The following APLP2 variants were observed in gnomAD, a reference collection of about 807,000 sequenced individuals.
The protein encoded by APLP2 is CDEI box-binding protein.
APLP2 carries 53 observed loss-of-function variants against 89.9 expected under a neutral mutation model. That is an observed-to-expected ratio of 0.59 (90% CI 0.47 to 0.74). The LOEUF is 0.74. APLP2 is among the 30% of genes least tolerant of loss of function. The probability of loss-of-function intolerance (pLI) is 0.00; values close to 1 mark genes in which losing one functional copy is unlikely to be tolerated. For missense variants in APLP2, 973 were observed against 975.9 expected, an observed-to-expected ratio of 1.00 and a Z score of 0.04; for synonymous variants, 372 against 348.6, an observed-to-expected ratio of 1.07 and a Z score of -0.75.
intron 1 of APLP2, among the ~76,000 whole-genome samples, chr11:130,090,110 A>G (rs1170395802): frequency 6.6e-6 from 1 of 152,186 alleles, no homozygotes; most frequent in Non-Finnish European, 1.5e-5. Context: ...ATTTTCTTCA[A>G]AGTTATGTTT....
In APLP2 at chr11:130,129,222, A is replaced by C; in HGVS notation, c.1455+16A>C. ...CCCGCCACGGGTGAGTCCTGCCCCT[A>C]GCACTGCCTGCCCTGAGGTGGTATA... On this transcript the variant is annotated intron_variant, in intron 10 of 16. Coordinates refer to ENST00000338167, the MANE Select transcript of APLP2 (RefSeq NM_001142276.2). The C allele has an allele frequency of 6.2e-7, 1 of 1,605,838 alleles. No homozygotes were observed. Among genetic ancestry groups the C allele is most frequent in the East Asian group, 2.2e-5 (1 of 44,686 alleles).
chr11:130,120,876 A>G (rs779869808), intron 4 of APLP2, 58 bp downstream of exon 4: 102 of 1,199,508 alleles, frequency 8.5e-5, no homozygotes, highest in Non-Finnish European at 3.1e-5. Flanking sequence ...GGGAAGTAGC[A>G]CTTTTCTCCA....
intron 13 of APLP2, among the ~76,000 whole-genome samples, chr11:130,138,345 A>C (rs1951880348): frequency 1.3e-5 from 2 of 152,060 alleles, no homozygotes; most frequent in Admixed American, 1.3e-4. Flanking sequence ...TTCTACTTGG[A>C]TATGCCTGTT....
intron 3 of APLP2, among the ~76,000 whole-genome samples, chr11:130,114,937 T>A (rs1249019238): frequency 6.6e-6 from 1 of 152,216 alleles, no homozygotes. Flanking sequence ...CTTTTGCAAG[T>A]CTTCTAGCCT....
At chr11:130,115,491 A>G (rs763383507) in intron 3 of APLP2, among the ~76,000 whole-genome samples, 26 of 152,256 alleles carry the variant, frequency 1.7e-4, no homozygotes, top group Admixed American at 1.3e-3. Flanking sequence ...GCTGAATCAC[A>G]GGGATGATTA....
chr11:130,125,488 G>C (rs1390953137), intron 7 of APLP2, among the ~76,000 whole-genome samples: 1 of 152,120 alleles, frequency 6.6e-6, no homozygotes. Context: ...CTGAAAGTGG[G>C]ATATTGACAC....
intron 1 of APLP2, among the ~76,000 whole-genome samples, chr11:130,076,384 G>T (rs780308745): frequency 6.6e-6 from 1 of 152,152 alleles, no homozygotes; most frequent in Non-Finnish European, 1.5e-5. Context: ...GCTCTTTTGT[G>T]TCTTTTTATA....
intron 13 of APLP2, among the ~76,000 whole-genome samples, chr11:130,136,420 G>T (rs773946777): frequency 2.0e-5 from 3 of 152,144 alleles, no homozygotes; most frequent in Non-Finnish European, 2.9e-5. Flanking sequence ...AGTAACCCTC[G>T]CAGGTGGGTA....
Position 130,141,473 on chromosome 11 carries a change from G to A in APLP2, c.1924-25G>A, listed in dbSNP as rs777750965. The stretch of plus-strand genomic sequence containing the variant: ...CTCCCCGTTCACCCAGTTGCTTGCT[G>A]CCGACATTCTCATGACTGTTTCAGG... On this transcript the variant is annotated intron_variant, in intron 14 of 16. Coordinates refer to ENST00000338167, the MANE Select transcript of APLP2 (RefSeq NM_001142276.2). This position sits in a 1 kb window ranked among gnomAD's most constrained non-coding sequence, Gnocchi z 4.2. The A allele has an allele frequency of 6.2e-7, 1 of 1,603,042 alleles. No homozygotes were observed. The highest frequency in any genetic ancestry group is 8.5e-7 in the Non-Finnish European group (1 of 1,170,172).
chr11:130,081,104 AC>A (rs920200300), intron 1 of APLP2, among the ~76,000 whole-genome samples: 2 of 151,658 alleles, frequency 1.3e-5, no homozygotes, highest in Non-Finnish European at 1.5e-5. Flanking sequence ...CAAAAAACAA[AC>A]CCCCCCAAAA....
chr11:130,103,482 TA>T (rs1183774480), intron 1 of APLP2, among the ~76,000 whole-genome samples: 1 of 152,210 alleles, frequency 6.6e-6, no homozygotes, highest in Non-Finnish European at 1.5e-5. Context: ...TCTGGTATTT[TA>T]AGATTCTCTT....
intron 12 of APLP2, among the ~76,000 whole-genome samples, chr11:130,134,402 C>CA (rs1364583750): frequency 6.6e-6 from 1 of 152,072 alleles, no homozygotes; most frequent in African/African-American, 2.4e-5. Context: ...ACAAAGGCCC[C>CA]AGGTGGAAGT....
Position 130,135,580 on chromosome 11 carries a change from C to T in APLP2, c.1702C>T (p.Gln568Ter). 6.2e-7 allele frequency: 1 copy of T among 1,614,122 alleles called. No homozygotes were observed. The change falls in exon 13 of 17, where the codon CAG becomes TAG. Residue 568 changes from glutamine to a stop codon, truncating the protein, a stop_gained. Transcript: ENST00000338167. LOFTEE classifies it high-confidence loss of function. ...TTCATCAGATGAGCTCCTTCAGGAG[C>T]AGCGTGCAGATATGGACCAGTTCAC... Reference protein sequence around the residue: ...QEEIDELLQEQRADMDQFTAS... With the variant: ...QEEIDELLQE
chr11:130,124,332 T>G (rs1392124053), intron 7 of APLP2, among the ~76,000 whole-genome samples: 1 of 152,214 alleles, frequency 6.6e-6, no homozygotes, highest in Admixed American at 6.5e-5. Flanking sequence ...TGGTAGTGAC[T>G]CACTCTGTTT....
At chr11:130,098,907 CAT>C (rs76593639) in intron 1 of APLP2, among the ~76,000 whole-genome samples, 7,747 of 152,142 alleles carry the variant, frequency 0.051, 523 homozygotes, top group East Asian at 0.24. Flanking sequence ...TTAGAATAAA[CAT>C]ATTTTATTAT....
intron 1 of APLP2, chr11:130,082,793 A>T (rs560856864): frequency 4.0e-4 from 69 of 173,926 alleles, no homozygotes; most frequent in African/African-American, 1.6e-3. Flanking sequence ...CTCATTGCCT[A>T]TAGACAGCAT....
At chr11:130,122,928 G>A (rs1023217881) in intron 6 of APLP2, among the ~76,000 whole-genome samples, 1 of 151,310 alleles carries the variant, frequency 6.6e-6, no homozygotes, top group African/African-American at 2.4e-5. Flanking sequence ...TGCCCTATTT[G>A]TCCAGATGTT....
At chr11:130,135,937 C>A (rs748250695) in intron 13 of APLP2, among the ~76,000 whole-genome samples, 1 of 152,190 alleles carries the variant, frequency 6.6e-6, no homozygotes, top group African/African-American at 2.4e-5. Flanking sequence ...GACTAATTCT[C>A]CCATTTCAAG....
chr11:130,109,644 G>T (rs1253249673), intron 2 of APLP2, 42 bp downstream of exon 2: 9 of 1,576,230 alleles, frequency 5.7e-6, no homozygotes, highest in East Asian at 4.6e-5. Context: ...ATTTTTCTGG[G>T]GCAGGGTTGA....
Sources: gnomAD v4.1 joint callset for allele counts (sites outside exome capture counted in the v4.1 genomes callset) on GRCh38, gnomAD v4.1.1 for gene constraint, Gnocchi (gnomAD v3.1) non-coding constraint, MANE v1.5 for transcripts, NCBI Gene and HGNC (gene_info 2026-07-23, HGNC 2026-07-21) for gene names.